ADAMTS9: variants seen among roughly 807,000 people sequenced by gnomAD.
The protein encoded by ADAMTS9 is ADAM metallopeptidase with thrombospondin type 1 motif 9.
Under a neutral mutation model 257.1 loss-of-function variants are expected in ADAMTS9, and 107 were observed. That is an observed-to-expected ratio of 0.42 (90% CI 0.36 to 0.49). The LOEUF is 0.49. ADAMTS9 is among the 20% of genes least tolerant of loss of function. The probability of loss-of-function intolerance (pLI) is 0.03; values close to 1 mark genes in which losing one functional copy is unlikely to be tolerated. For synonymous variants in ADAMTS9, 982 were observed against 880.9 expected (o/e 1.11, Z -2.03); for missense variants, 2,353 against 2,469.1 (o/e 0.95, Z 1.00).
intron 28 of ADAMTS9, among the ~76,000 whole-genome samples, chr3:64,570,919 AG>A (rs745781378): frequency 1.3e-5 from 2 of 152,078 alleles, no homozygotes; most frequent in African/African-American, 2.4e-5. Flanking sequence ...TTGAACTTAA[AG>A]GATATAGAAT....
chr3:64,528,910 G>C (rs1238667304), intron 38 of ADAMTS9, among the ~76,000 whole-genome samples: 3 of 151,028 alleles, frequency 2.0e-5, no homozygotes, highest in African/African-American at 7.3e-5. Context: ...ACTTGCCCAA[G>C]ATGGCAGAGC....
At position 64,631,478 on chromosome 3, in the gene ADAMTS9, T is replaced by C. The variant is rs1576138748; in HGVS notation, c.2366A>G (p.Glu789Gly). ...ACCTAAGTAGTTGTCATCGTCTGTT[T>C]CCCCTGAGAAACTGTGCTGCCGCAC... ...IDVRQHSFSG[E>G]TDDDNYLALS... The change falls in exon 16 of 40, where the codon GAA (glutamate) becomes GGA (glycine). Residue 789 changes from glutamate (E) to glycine (G), a missense_variant. By Grantham distance (98) the Glu-to-Gly change is moderately conservative. Coordinates refer to ENST00000498707, the MANE Select transcript of ADAMTS9 (RefSeq NM_182920.2). 1 of 1,614,062 alleles carries C rather than the reference T, an allele frequency of 6.2e-7. No individual in the cohort carries two copies.
At chr3:64,643,596 G>T (rs1700714083) in intron 11 of ADAMTS9, among the ~76,000 whole-genome samples, 1 of 151,396 alleles carries the variant, frequency 6.6e-6, no homozygotes, top group Non-Finnish European at 1.5e-5. Flanking sequence ...GGGACCACAG[G>T]TGTATGCCAC....
At chr3:64,662,045 A>G (rs1157775798) in intron 3 of ADAMTS9, among the ~76,000 whole-genome samples, 2 of 151,768 alleles carry the variant, frequency 1.3e-5, no homozygotes, top group African/African-American at 4.8e-5. Context: ...TTCTTTCTTC[A>G]TAGAAGTATT....
At chr3:64,560,493 A>C (rs1165086993) in intron 30 of ADAMTS9, among the ~76,000 whole-genome samples, 1 of 152,186 alleles carries the variant, frequency 6.6e-6, no homozygotes, top group Non-Finnish European at 1.5e-5. Context: ...GTATTTCTTA[A>C]TGGTTTAAGA....
intron 37 of ADAMTS9, among the ~76,000 whole-genome samples, chr3:64,538,478 T>TA (rs202039114): frequency 0.011 from 1,598 of 142,186 alleles, 12 homozygotes; most frequent in Middle Eastern, 0.019. Context: ...AACATTAAAT[T>TA]AAAAAAAAAA....
intron 3 of ADAMTS9, among the ~76,000 whole-genome samples, chr3:64,660,710 G>A (rs540194091): frequency 3.8e-4 from 58 of 152,304 alleles, no homozygotes; most frequent in African/African-American, 1.2e-3. Flanking sequence ...CTTAATGACA[G>A]CCTCACAGTG....
chr3:64,558,700 G>A (rs1047078713), intron 30 of ADAMTS9, among the ~76,000 whole-genome samples: 3 of 152,134 alleles, frequency 2.0e-5, no homozygotes, highest in Non-Finnish European at 4.4e-5. Context: ...CAACAAACTG[G>A]TGGGTTTTAA....
chr3:64,573,872 A>G (rs901011915), intron 28 of ADAMTS9, among the ~76,000 whole-genome samples: 2 of 152,190 alleles, frequency 1.3e-5, no homozygotes, highest in Admixed American at 6.5e-5. Context: ...ACACAAGGAT[A>G]TAGATTTAGT....
intron 21 of ADAMTS9, 46 bp downstream of exon 21, chr3:64,615,275 G>C: frequency 6.3e-7 from 1 of 1,594,968 alleles, no homozygotes; most frequent in South Asian, 1.1e-5. Context: ...ACCAGAACTA[G>C]AATGTAAGAG....
At chr3:64,521,886 C>T (rs976641464) in intron 39 of ADAMTS9, among the ~76,000 whole-genome samples, 1 of 152,164 alleles carries the variant, frequency 6.6e-6, no homozygotes, top group Non-Finnish European at 1.5e-5. Flanking sequence ...CACACTATAA[C>T]AGTGTAACAA....
intron 37 of ADAMTS9, among the ~76,000 whole-genome samples, chr3:64,535,769 T>C (rs2106899557): frequency 6.6e-6 from 1 of 151,952 alleles, no homozygotes; most frequent in East Asian, 2.0e-4. Context: ...CAGGCTGGTC[T>C]TGACCTCAAG....
intron 19 of ADAMTS9, 103 bp from the exon 20 acceptor site, chr3:64,616,273 T>C (rs1453644053): frequency 8.1e-7 from 1 of 1,232,170 alleles, no homozygotes; most frequent in Admixed American, 1.9e-5. Context: ...TTTTTCTTTC[T>C]TAACTCGAAT....
chr3:64,593,948 GTGTGTGTGTATGA>G lies in ADAMTS9; in HGVS notation c.4356+297_4356+309del, dbSNP rs1233950771. Among the ~76,000 whole-genome samples the G allele has an allele frequency of 1.6e-3, 171 of 109,770 alleles. 1 individual carries two copies. The highest frequency in any genetic ancestry group is 9.7e-3 in the African/African-American group (153 of 15,830). The allele number at this position is 109,770 out of a possible 152,430, so 72.0% of individuals were successfully genotyped here. On this transcript the variant is annotated intron_variant, in intron 28 of 39. Transcript: ENST00000498707. ...GTTGTCTGTTAAAATCACTATGTAT[GTGTGTGTGTATGA>G]TGTGTGTGTGTGTGTGTGTGTGTGT... is the stretch of plus-strand genomic sequence containing the variant.
Position 64,615,468 on chromosome 3 carries a change from G to A in ADAMTS9, c.3042C>T (p.Asp1014=), listed in dbSNP as rs146826654. Residue 1014 remains aspartate (D), a synonymous_variant, in exon 21 of 40, where the codon GAC becomes GAT. Coordinates refer to ENST00000498707, the MANE Select transcript of ADAMTS9 (RefSeq NM_182920.2). The part of the protein sequence containing the change: ...SAWTECSKSC[D]GGTQRRRAIC... Reference sequence around the variant, plus strand: ...TAGCCCTTCTCCTCTGGGTCCCACCGTCACAGCTTTTTGAACACTGTAGGG... The same window carrying A: ...TAGCCCTTCTCCTCTGGGTCCCACCATCACAGCTTTTTGAACACTGTAGGG... The A allele has an allele frequency of 4.2e-4, 672 of 1,612,978 alleles. No homozygotes were observed. Among genetic ancestry groups the A allele is most frequent in the Non-Finnish European group, 5.3e-4 (629 of 1,179,636 alleles).
At chr3:64,552,235 A>C (rs1413483555) in intron 30 of ADAMTS9, among the ~76,000 whole-genome samples, 9 of 152,182 alleles carry the variant, frequency 5.9e-5, no homozygotes, top group Admixed American at 3.3e-4. Context: ...AAGCCAAGGG[A>C]TGATTACAGA....
At chr3:64,641,822 T>A (rs1458017663) in intron 12 of ADAMTS9, 26 bp downstream of exon 12, 1 of 1,610,588 alleles carries the variant, frequency 6.2e-7, no homozygotes, top group African/African-American at 1.3e-5. Flanking sequence ...ACGGCAGTAA[T>A]AACAGTTATA....
Position 64,633,537 on chromosome 3 carries a change from T to G in ADAMTS9, c.2110A>C (p.Arg704=), listed in dbSNP as rs770904450. 1.2e-6 allele frequency: 2 copies of G among 1,613,998 alleles called. No individual in the cohort carries two copies. Among genetic ancestry groups the G allele is most frequent in the African/African-American group, 2.7e-5 (2 of 74,924 alleles). The change falls in exon 14 of 40, where the codon AGA becomes CGA. Residue 704 remains arginine, a synonymous_variant. Transcript: ENST00000498707. ...GNTAYYQLRD[R]VIDGTPCGQD... is the part of the protein sequence containing the mutation. Reference sequence around the variant, plus strand: ...CCACAAGGAGTTCCATCTATCACTCTGTCTCGAAGCTGATAGTAGGCTGTG... The same window carrying G: ...CCACAAGGAGTTCCATCTATCACTCGGTCTCGAAGCTGATAGTAGGCTGTG...
chr3:64,643,002 C>T (rs1003364683), intron 11 of ADAMTS9, among the ~76,000 whole-genome samples: 11 of 152,302 alleles, frequency 7.2e-5, no homozygotes, highest in Non-Finnish European at 1.5e-4. Flanking sequence ...TTAAACAGTG[C>T]AATTAAGCTT....
Sources: gnomAD v4.1 joint callset for allele counts (sites outside exome capture counted in the v4.1 genomes callset) on GRCh38, gnomAD v4.1.1 for gene constraint, MANE v1.5 for transcripts, NCBI Gene and HGNC (gene_info 2026-07-23, HGNC 2026-07-21) for gene names.